The following SCYL2 variants were observed in gnomAD, a reference collection of about 807,000 sequenced individuals.
SCYL2 encodes SCY1-like protein 2.
SCYL2 carries 36 observed loss-of-function variants against 100.4 expected under a neutral mutation model. The observed-to-expected ratio is 0.36, with a 90% CI of 0.27 to 0.47. The LOEUF is 0.47. SCYL2 is among the 20% of genes least tolerant of loss of function. SCYL2 has a pLI of 1.00. For synonymous variants in SCYL2, 330 were observed against 359.2 expected, an observed-to-expected ratio of 0.92 and a Z score of 0.92; for missense variants, 902 against 1,083.9, an observed-to-expected ratio of 0.83 and a Z score of 2.36.
chr12:100,329,290 A>T lies in SCYL2; in HGVS notation c.1732A>T (p.Ser578Cys). Residue 578 changes from serine to cysteine, a missense_variant, in exon 13 of 18, where the codon AGT becomes TGT. Coordinates refer to ENST00000360820, the MANE Select transcript of SCYL2 (RefSeq NM_017988.6). ...GKVLPHLIPL[S>C]IENNLNLNQF... ...AGTGTTGCCTCATCTTATTCCCCTG[A>T]GTATTGAAAACAATCTTAATCTTAA... The T allele has an allele frequency of 6.3e-7, 1 of 1,590,856 alleles. No homozygotes were observed. Among genetic ancestry groups the T allele is most frequent in the Non-Finnish European group, 8.6e-7 (1 of 1,159,376 alleles).
intron 4 of SCYL2, among the ~76,000 whole-genome samples, chr12:100,298,704 C>T (rs1485636788): frequency 6.6e-6 from 1 of 152,258 alleles, no homozygotes. Flanking sequence ...CTGCCTCAGC[C>T]TCCCCAGTAG....
At chr12:100,281,746 A>G (rs1009255395) in intron 1 of SCYL2, among the ~76,000 whole-genome samples, 3 of 151,184 alleles carry the variant, frequency 2.0e-5, no homozygotes, top group Non-Finnish European at 4.4e-5. Flanking sequence ...AGGCAGGAGA[A>G]TGGCGTGAAC....
intron 4 of SCYL2, among the ~76,000 whole-genome samples, chr12:100,302,408 C>T (rs2135879112): frequency 6.6e-6 from 1 of 152,222 alleles, no homozygotes; most frequent in Non-Finnish European, 1.5e-5. Context: ...TTTTCCTTTC[C>T]ATATTTAGTG....
At chr12:100,316,671 T>C (rs2096349096) in intron 9 of SCYL2, among the ~76,000 whole-genome samples, 1 of 152,178 alleles carries the variant, frequency 6.6e-6, no homozygotes, top group Non-Finnish European at 1.5e-5. Flanking sequence ...TTCCCCCAAA[T>C]GGTCAAGGTG....
At chr12:100,298,395 G>C (rs935888430) in intron 4 of SCYL2, among the ~76,000 whole-genome samples, 7 of 152,026 alleles carry the variant, frequency 4.6e-5, no homozygotes, top group African/African-American at 1.4e-4. Flanking sequence ...GTAACCTTTG[G>C]GGGGTCACTT....
At position 100,322,162 on chromosome 12, in the gene SCYL2, G is replaced by C. The variant is rs368303048; in HGVS notation, c.1396-1363G>C. ...CCGAGGCGGGCAGATCACGAGGTCA[G>C]GAGATCGAGACCATCCTGGCTAACA... is the stretch of plus-strand genomic sequence containing the variant. On this transcript the variant is annotated intron_variant, in intron 10 of 17. Transcript: ENST00000360820. Among the ~76,000 whole-genome samples the C allele has an allele frequency of 8.6e-5, 13 of 151,220 alleles. No individual in the cohort carries two copies. The East Asian group carries it at 1.6e-3, about 18-fold the overall frequency.
rs181869255 is a variant in SCYL2, at chr12:100,293,529, T to A, written c.335+1869T>A. On this transcript the variant is annotated intron_variant, in intron 3 of 17. Transcript: ENST00000360820. ...ATGTTGTATTTACATGTTTTTTTTT[T>A]ATTTATTTTTTATTTTTTATTGATC... Among the ~76,000 whole-genome samples the A allele has an allele frequency of 3.6e-3, 541 of 151,992 alleles. 1 individual carries two copies. The highest frequency in any genetic ancestry group is 5.9e-3 in the Non-Finnish European group (402 of 67,986).
intron 9 of SCYL2, chr12:100,317,574 A>G (rs2096350429): frequency 5.2e-6 from 5 of 952,766 alleles, no homozygotes; most frequent in Non-Finnish European, 7.2e-6. Flanking sequence ...GTGAGAGGAG[A>G]TTAGTCTTTA....
intron 16 of SCYL2, among the ~76,000 whole-genome samples, chr12:100,336,518 G>C (rs1039238624): frequency 1.3e-5 from 2 of 152,048 alleles, no homozygotes; most frequent in African/African-American, 4.8e-5. Flanking sequence ...TTGGATTAAA[G>C]TTGTACATTT....
chr12:100,276,284 A>G (rs1229671912), intron 1 of SCYL2, among the ~76,000 whole-genome samples: 1 of 151,496 alleles, frequency 6.6e-6, no homozygotes, highest in African/African-American at 2.4e-5. Flanking sequence ...AATCTGTAGA[A>G]TTTCTGTTAT....
At chr12:100,279,033 T>C (rs1280310393) in intron 1 of SCYL2, among the ~76,000 whole-genome samples, 3 of 152,224 alleles carry the variant, frequency 2.0e-5, no homozygotes, top group African/African-American at 7.2e-5. Context: ...ATTTGGTATA[T>C]CTATGTATGG....
Position 100,339,368 on chromosome 12 carries a change from T to C in SCYL2, c.*196T>C, listed in dbSNP as rs1287071512. ...GTTGAGTTTTTTAAAGCATTGAGGATTTTTTCCTCTTACCAACTCCTCTTC... is the reference window on the plus strand; with the variant it reads ...GTTGAGTTTTTTAAAGCATTGAGGACTTTTTCCTCTTACCAACTCCTCTTC... On this transcript the variant is annotated 3_prime_UTR_variant, in exon 18 of 18. Coordinates refer to ENST00000360820, the MANE Select transcript of SCYL2 (RefSeq NM_017988.6). 5 of 545,576 alleles carry C rather than the reference T, an allele frequency of 9.2e-6. No homozygotes were observed. The highest frequency in any genetic ancestry group is 4.8e-4 in the Middle Eastern group (1 of 2,066). The allele number at this position is 545,576 out of a possible 1,614,324, so 33.8% of individuals were successfully genotyped here.
intron 10 of SCYL2, 126 bp downstream of exon 10, chr12:100,318,051 T>C (rs1472936558): frequency 1.2e-6 from 1 of 820,536 alleles, no homozygotes; most frequent in Non-Finnish European, 1.8e-6. Flanking sequence ...ATTTATCTTT[T>C]GAATCACATT....
At chr12:100,269,563 C>CTT (rs2096285028) in intron 1 of SCYL2, among the ~76,000 whole-genome samples, 1 of 152,108 alleles carries the variant, frequency 6.6e-6, no homozygotes, top group Non-Finnish European at 1.5e-5. Context: ...TTGTACTAAA[C>CTT]ATTTTATCTT....
At chr12:100,315,034 T>G (rs1256915587) in intron 8 of SCYL2, among the ~76,000 whole-genome samples, 1 of 152,214 alleles carries the variant, frequency 6.6e-6, no homozygotes, top group African/African-American at 2.4e-5. Context: ...CTGGTTGGAA[T>G]ACTAATAATT....
chr12:100,292,361 G>C (rs180679111), intron 3 of SCYL2, among the ~76,000 whole-genome samples: 1 of 152,126 alleles, frequency 6.6e-6, no homozygotes, highest in Non-Finnish European at 1.5e-5. Flanking sequence ...TGGTATTTGT[G>C]TCCTGTGGCC....
intron 2 of SCYL2, among the ~76,000 whole-genome samples, chr12:100,283,402 CAT>C (rs2096301029): frequency 6.6e-6 from 1 of 152,160 alleles, no homozygotes; most frequent in Admixed American, 6.5e-5. Context: ...ACTTAATAAA[CAT>C]GTCAGTTGAG....
chr12:100,297,039 A>G (rs546386083), intron 3 of SCYL2, among the ~76,000 whole-genome samples: 1 of 152,338 alleles, frequency 6.6e-6, no homozygotes, highest in South Asian at 2.1e-4. Context: ...AACAGTTACT[A>G]TGCAGGCCCA....
At chr12:100,312,813 A>G (rs1174473108) in intron 6 of SCYL2, among the ~76,000 whole-genome samples, 160 bp downstream of exon 6, 3 of 152,282 alleles carry the variant, frequency 2.0e-5, no homozygotes, top group Middle Eastern at 3.4e-3. Context: ...TTATTTTAAC[A>G]AATTTATAAG....
Sources: gnomAD v4.1 joint callset for allele counts (sites outside exome capture counted in the v4.1 genomes callset) on GRCh38, gnomAD v4.1.1 for gene constraint, MANE v1.5 for transcripts, NCBI Gene and HGNC (gene_info 2026-07-23, HGNC 2026-07-21) for gene names.